The following CYB5D2 variants were observed in gnomAD, a reference collection of about 807,000 sequenced individuals.
CYB5D2 encodes the protein neuferricin.
In CYB5D2, 23 loss-of-function variants were observed where a neutral mutation model predicts 22.8. That is an observed-to-expected ratio of 1.01 (90% CI 0.73 to 1.43). The LOEUF is 1.43. CYB5D2 is among the 40% of genes most tolerant of loss of function. The pLI is 0.00. For synonymous variants in CYB5D2, 170 were observed against 152.2 expected (o/e 1.12, Z -0.86); for missense variants, 373 against 357.2 (o/e 1.04, Z -0.36).
intron 1 of CYB5D2, among the ~76,000 whole-genome samples, chr17:4,148,118 T>A (rs865908879): frequency 2.0e-5 from 3 of 152,176 alleles, no homozygotes. Context: ...GATGGCAGCC[T>A]GGGCTTGCTT....
rs914835607 is a variant in CYB5D2, at chr17:4,147,277, GA to G, written c.251-2607del. 4.0e-5 allele frequency among the ~76,000 whole-genome samples: 6 copies of G among 151,638 alleles called. No homozygotes were observed. In the South Asian group the frequency reaches 6.3e-4, roughly 16 times the overall value. ...TACAGCGAGACTCTATCTCAAAAAA[GA>G]AAAAAACTATGTATTTAATTCGTTT... On this transcript the variant is annotated intron_variant, in intron 1 of 3. Transcript: ENST00000301391.
At chr17:4,147,237 C>T (rs543823330) in intron 1 of CYB5D2, among the ~76,000 whole-genome samples, 1 of 152,208 alleles carries the variant, frequency 6.6e-6, no homozygotes, top group Admixed American at 6.5e-5. Context: ...CACCACTGCA[C>T]TCCAGCCTGG....
At chr17:4,149,846 G>A in intron 1 of CYB5D2, 45 bp from the exon 2 acceptor site, 1 of 1,583,340 alleles carries the variant, frequency 6.3e-7, no homozygotes, top group Non-Finnish European at 8.6e-7. Context: ...TGGGGATGGT[G>A]TCAGTGGTTT....
intron 1 of CYB5D2, among the ~76,000 whole-genome samples, chr17:4,147,151 G>A (rs1267778102): frequency 5.3e-5 from 8 of 152,104 alleles, no homozygotes; most frequent in Non-Finnish European, 8.8e-5. Context: ...CATGCCCGTA[G>A]TCTCAGCTAC....
At position 4,144,012 on chromosome 17, in the gene CYB5D2, G is replaced by A. The variant is rs376255668; in HGVS notation, c.250+7G>A. ...CACTATAGCGGCTTCGCAGGTATCA[G>A]CGAGGCTGCTCACGCCTTTCTCTCC... On this transcript the variant is annotated splice_region_variant and intron_variant, in intron 1 of 3. Transcript: ENST00000301391. 4 of 1,587,936 alleles carry A rather than the reference G, an allele frequency of 2.5e-6. No homozygotes were observed. Among genetic ancestry groups the A allele is most frequent in the Non-Finnish European group, 3.4e-6 (4 of 1,166,420 alleles).
chr17:4,147,647 A>G (rs2059007092), intron 1 of CYB5D2, among the ~76,000 whole-genome samples: 1 of 152,190 alleles, frequency 6.6e-6, no homozygotes, highest in African/African-American at 2.4e-5. Flanking sequence ...TGAGTTTGGG[A>G]GTTCGAAACC....
intron 1 of CYB5D2, among the ~76,000 whole-genome samples, chr17:4,144,551 G>C (rs545100941): frequency 6.6e-6 from 1 of 152,186 alleles, no homozygotes; most frequent in Admixed American, 6.5e-5. Context: ...CCTGCTTCTA[G>C]TACAAGATGC....
chr17:4,154,812 C>T lies in CYB5D2; in HGVS notation c.530C>T (p.Ala177Val), dbSNP rs777686784. The part of the protein sequence containing the change: ...QEKQTFPPCN[A>V]EWSSARGSRL... The stretch of plus-strand genomic sequence containing the variant: ...AAGCAGACATTCCCGCCGTGCAACG[C>T]GGAGTGGAGCTCAGCCAGGGGCAGC... The change falls in exon 3 of 4, where the codon GCG becomes GTG. Residue 177 changes from alanine to valine, a missense_variant. Ala to Val is a moderately conservative substitution (Grantham distance 64, BLOSUM62 0). Coordinates refer to ENST00000301391, the MANE Select transcript of CYB5D2 (RefSeq NM_144611.4). The T allele has an allele frequency of 3.1e-6, 5 of 1,614,190 alleles. No individual in the cohort carries two copies. The highest frequency in any genetic ancestry group is 2.2e-5 in the South Asian group (2 of 91,090).
chr17:4,154,924 C>T, intron 3 of CYB5D2, 64 bp downstream of exon 3: 5 of 1,487,814 alleles, frequency 3.4e-6, no homozygotes, highest in Non-Finnish European at 3.6e-6. Flanking sequence ...GCCATCCTGC[C>T]TGCAGTATTC....
In CYB5D2 at chr17:4,157,171, T is replaced by C. The variant is rs1319366711; in HGVS notation, c.*89T>C. On this transcript the variant is annotated 3_prime_UTR_variant, in exon 4 of 4. Coordinates refer to ENST00000301391, the MANE Select transcript of CYB5D2 (RefSeq NM_144611.4). This position sits in a 1 kb window ranked among gnomAD's most constrained non-coding sequence, Gnocchi z 4.4. ...CACTTGTGTGCCCTGGGATGCCTCC[T>C]GGCGCGAATCAGGAGGGTCTGGAAG... 26 of 1,424,454 alleles carry C rather than the reference T, an allele frequency of 1.8e-5. No individual in the cohort carries two copies. The highest frequency in any genetic ancestry group is 1.7e-4 in the East Asian group (7 of 40,884). The allele number at this position is 1,424,454 out of a possible 1,614,324, so 88.2% of individuals were successfully genotyped here.
rs146367581 is a variant in CYB5D2 at position 4,144,095 on chromosome 17, T to TC, written c.250+98dup. Reference sequence around the variant, plus strand: ...TTCGTTGGTTCATTATTCATCTATTTCCCCCCCCATCCCCACCCCACATCC... The same window carrying TC: ...TTCGTTGGTTCATTATTCATCTATTTCCCCCCCCCATCCCCACCCCACATCC... On this transcript the variant is annotated intron_variant, in intron 1 of 3. Transcript: ENST00000301391. The TC allele has an allele frequency of 1.7e-3, 2,538 of 1,461,096 alleles. 21 individuals are homozygous for TC. In the African/African-American group the frequency reaches 0.023, roughly 13 times the overall value. The allele number at this position is 1,461,096 out of a possible 1,614,324, so 90.5% of individuals were successfully genotyped here.
At position 4,149,983 on chromosome 17, in the gene CYB5D2, A is replaced by T; in HGVS notation, c.343A>T (p.Thr115Ser). The change falls in exon 2 of 4, where the codon ACA becomes TCA. Residue 115 changes from threonine (T) to serine (S), a missense_variant. Thr to Ser is a moderately conservative substitution (Grantham distance 58). Transcript: ENST00000301391. ...CGACCTGTCAGCCGCTGAGATGCTGACACTTCACAATTGGCTTTCATTCTA... is the reference window on the plus strand; with the variant it reads ...CGACCTGTCAGCCGCTGAGATGCTGTCACTTCACAATTGGCTTTCATTCTA... Reference protein sequence around the residue: ...VSDLSAAEMLTLHNWLSFYEK... With the variant: ...VSDLSAAEMLSLHNWLSFYEK... The T allele has an allele frequency of 6.2e-7, 1 of 1,614,084 alleles. No individual in the cohort carries two copies. Among genetic ancestry groups the T allele is most frequent in the Non-Finnish European group, 8.5e-7 (1 of 1,180,020 alleles).
At chr17:4,155,042 C>G (rs79488346) in intron 3 of CYB5D2, among the ~76,000 whole-genome samples, 182 bp downstream of exon 3, 1 of 152,200 alleles carries the variant, frequency 6.6e-6, no homozygotes, top group African/African-American at 2.4e-5. Context: ...GCCGAAATTA[C>G]GGATGGTCAG....
chr17:4,146,013 G>C (rs780660268), intron 1 of CYB5D2, among the ~76,000 whole-genome samples: 1 of 152,146 alleles, frequency 6.6e-6, no homozygotes, highest in Non-Finnish European at 1.5e-5. Context: ...TGGCCAGGCC[G>C]GTCTTGAACT....
At chr17:4,151,965 C>T (rs1373292681) in intron 2 of CYB5D2, among the ~76,000 whole-genome samples, 1 of 150,918 alleles carries the variant, frequency 6.6e-6, no homozygotes, top group East Asian at 1.9e-4. Flanking sequence ...GAGATCACAT[C>T]ACTGCATTCC....
Position 4,157,300 on chromosome 17 carries a change from T to A in CYB5D2, c.*218T>A, listed in dbSNP as rs1009503651. On this transcript the variant is annotated 3_prime_UTR_variant, in exon 4 of 4. Coordinates refer to ENST00000301391, the MANE Select transcript of CYB5D2 (RefSeq NM_144611.4). The surrounding 1 kb of genome is among the most constrained non-coding windows in gnomAD (Gnocchi z 4.4). ...CACCTGCCCAGTACTGGTCAGCTTT[T>A]CAACACTATTCCCTTTGACCTACTG... 1.2e-5 allele frequency: 7 copies of A among 593,346 alleles called. No individual in the cohort carries two copies. The African/African-American group carries it at 1.3e-4, about 11-fold the overall frequency. 36.8% of individuals were successfully genotyped at this position (593,346 alleles called of 1,614,324 possible).
At chr17:4,154,950 T>C (rs1484795770) in intron 3 of CYB5D2, 90 bp downstream of exon 3, 2 of 1,358,104 alleles carry the variant, frequency 1.5e-6, no homozygotes, top group African/African-American at 2.9e-5. Flanking sequence ...ATTCAGGAAT[T>C]GATTGTTAAC....
Position 4,156,962 on chromosome 17 carries a change from C to T in CYB5D2, c.675C>T (p.Pro225=). 6.2e-7 allele frequency: 1 copy of T among 1,612,844 alleles called. No homozygotes were observed. Among genetic ancestry groups the T allele is most frequent in the African/African-American group, 1.3e-5 (1 of 75,000 alleles). Residue 225 remains proline (P), a synonymous_variant, in exon 4 of 4, where the codon CCC becomes CCT. Transcript: ENST00000301391. ...GCGTGTGTGTGAGAACCACCGGCCC[C>T]CCTAGTGGCCAGATGCCGGACAACC... ...PRCVCVRTTG[P]PSGQMPDNPP... is the part of the protein sequence containing the mutation.
Position 4,153,626 on chromosome 17 carries a change from TAGG to T in CYB5D2, c.392-1044_392-1042del, listed in dbSNP as rs562735777. The stretch of plus-strand genomic sequence containing the variant: ...GGGCATGAGCTGACCAGAGAGCAGT[TAGG>T]AGGCCACTGCCACAGTCCGTGGTTT... On this transcript the variant is annotated intron_variant, in intron 2 of 3. Coordinates refer to ENST00000301391, the MANE Select transcript of CYB5D2 (RefSeq NM_144611.4). Among the ~76,000 whole-genome samples, 7 of 152,162 alleles carry T rather than the reference TAGG, an allele frequency of 4.6e-5. No individual in the cohort carries two copies. In the South Asian group the frequency reaches 1.5e-3, roughly 32 times the overall value.
Sources: gnomAD v4.1 joint callset for allele counts (sites outside exome capture counted in the v4.1 genomes callset) on GRCh38, gnomAD v4.1.1 for gene constraint, Gnocchi (gnomAD v3.1) non-coding constraint, MANE v1.5 for transcripts, NCBI Gene and HGNC (gene_info 2026-07-23, HGNC 2026-07-21) for gene names.